Variants in IPO5 observed in about 807,000 individuals in gnomAD.
IPO5 encodes the protein importin 5, also known as importin-5.
IPO5 carries 18 observed loss-of-function variants against 143.3 expected under a neutral mutation model. The ratio of observed to expected loss-of-function variants is 0.13; its 90% confidence interval spans 0.09 to 0.19. The LOEUF is 0.19. Ranked by LOEUF, IPO5 falls within the 10% of genes least tolerant of loss-of-function variation. The pLI, the probability that IPO5 is intolerant of heterozygous loss-of-function variation, is 1.00. For synonymous variants in IPO5, 477 were observed against 465.7 expected (o/e 1.02, Z -0.31); for missense variants, 1,013 against 1,336.9 (o/e 0.76, Z 3.78).
At chr13:98,003,791 G>A (rs896508981) in intron 16 of IPO5, among the ~76,000 whole-genome samples, 5 of 152,092 alleles carry the variant, frequency 3.3e-5, no homozygotes, top group Admixed American at 2.6e-4. Context: ...AGGTTGCAGT[G>A]AGCTGAGGTG....
At position 98,014,044 on chromosome 13, in the gene IPO5, G is replaced by A; in HGVS notation, c.2155G>A (p.Val719Ile). Residue 719 changes from valine (V) to isoleucine (I), a missense_variant and splice_region_variant, in exon 22 of 29, where the codon GTT becomes ATT. Coordinates refer to ENST00000651721, the MANE Select transcript of IPO5 (RefSeq NM_002271.6). ...TTGAGGTTCCTTAACAATGAAACGT[G>A]TTCGAGTGGCAGCAGCGGAATCCAT... is the stretch of plus-strand genomic sequence containing the variant. The part of the protein sequence containing the change: ...PLLKFYFHDG[V>I]RVAAAESMPL... 6.2e-7 allele frequency: 1 copy of A among 1,607,204 alleles called. No individual in the cohort carries two copies. Among genetic ancestry groups the A allele is most frequent in the Non-Finnish European group, 8.5e-7 (1 of 1,178,016 alleles).
intron 9 of IPO5, among the ~76,000 whole-genome samples, chr13:97,991,125 A>G (rs1371140567): frequency 1.3e-5 from 2 of 152,180 alleles, no homozygotes; most frequent in Non-Finnish European, 2.9e-5. Context: ...TCAGACTCCA[A>G]ACTCCTTTTT....
At chr13:97,956,855 C>T (rs1884498340) in intron 2 of IPO5, among the ~76,000 whole-genome samples, 1 of 151,968 alleles carries the variant, frequency 6.6e-6, no homozygotes, top group African/African-American at 2.4e-5. Context: ...TGGTAGTGTC[C>T]GGGACCAAAT....
At chr13:97,986,957 T>C (rs769903096) in intron 6 of IPO5, 2 of 152,742 alleles carry the variant, frequency 1.3e-5, no homozygotes. Flanking sequence ...TGTTGTTTGA[T>C]GATGAGCCTT....
intron 2 of IPO5, among the ~76,000 whole-genome samples, chr13:97,957,423 G>A (rs1251466153): frequency 1.3e-5 from 2 of 151,840 alleles, no homozygotes; most frequent in Non-Finnish European, 2.9e-5. Flanking sequence ...GGCTGGTCTC[G>A]AACTCCGACC....
At chr13:97,977,193 G>A (rs1886444483) in intron 4 of IPO5, 1 of 154,888 alleles carries the variant, frequency 6.5e-6, no homozygotes, top group Non-Finnish European at 1.4e-5. Context: ...ACCCAGCCTA[G>A]CGCTGTGGGT....
chr13:97,977,101 AC>A, intron 4 of IPO5: 2 of 160,186 alleles, frequency 1.2e-5, no homozygotes, highest in Non-Finnish European at 1.4e-5. Context: ...TTCGCTGGCC[AC>A]CCCGCTTCCC....
chr13:98,019,904 A>G, intron 27 of IPO5, 95 bp downstream of exon 27: 2 of 759,190 alleles, frequency 2.6e-6, no homozygotes, highest in Non-Finnish European at 4.6e-6. Flanking sequence ...TAACCACATG[A>G]TCTCTGCACA....
In IPO5 at chr13:97,994,729, G is replaced by T. The variant is rs77914605; in HGVS notation, c.913+1504G>T. Among the ~76,000 whole-genome samples, 1,425 of 152,274 alleles carry T rather than the reference G, an allele frequency of 9.4e-3. 90 individuals are homozygous for T. In the East Asian group the frequency reaches 0.18, roughly 19 times the overall value. ...CAACTCTGTGAATTTAGAATGCATT[G>T]ATGATGCAGGTGTTGACAATGGATC... On this transcript the variant is annotated intron_variant, in intron 11 of 28. Transcript: ENST00000651721.
rs775538256 is a variant in IPO5 at position 98,014,060 on chromosome 13, C to T, written c.2171C>T (p.Ala724Val). ...YFHDGVRVAA[A>V]ESMPLLLECA... Reference sequence around the variant, plus strand: ...ATGAAACGTGTTCGAGTGGCAGCAGCGGAATCCATGCCTCTTCTCCTGGAG... The same window carrying T: ...ATGAAACGTGTTCGAGTGGCAGCAGTGGAATCCATGCCTCTTCTCCTGGAG... Residue 724 changes from alanine to valine, a missense_variant, in exon 22 of 29, where the codon GCG (alanine) becomes GTG (valine). Physicochemically the swap from Ala to Val is moderately conservative, Grantham distance 64. Coordinates refer to ENST00000651721, the MANE Select transcript of IPO5 (RefSeq NM_002271.6). 7.5e-6 allele frequency: 12 copies of T among 1,607,358 alleles called. No homozygotes were observed. Among genetic ancestry groups the T allele is most frequent in the Admixed American group, 5.2e-5 (3 of 58,134 alleles).
intron 20 of IPO5, among the ~76,000 whole-genome samples, chr13:98,010,875 C>T (rs1400475991): frequency 6.9e-6 from 1 of 144,704 alleles, no homozygotes; most frequent in East Asian, 2.1e-4. Flanking sequence ...CCACCTCTGG[C>T]GTTCAGTTGA....
intron 21 of IPO5, among the ~76,000 whole-genome samples, chr13:98,012,732 A>G (rs1889805776): frequency 6.6e-6 from 1 of 151,614 alleles, no homozygotes; most frequent in Admixed American, 6.6e-5. Context: ...CGTGATCAGG[A>G]CGCACTGAAA....
At chr13:97,957,580 G>C (rs1463712788) in intron 2 of IPO5, among the ~76,000 whole-genome samples, 2 of 152,044 alleles carry the variant, frequency 1.3e-5, no homozygotes, top group East Asian at 3.9e-4. Context: ...GTTGGTAGGA[G>C]GCCTAAATGC....
intron 3 of IPO5, 60 bp from the exon 4 acceptor site, chr13:97,976,633 C>T (rs1886355685): frequency 5.3e-6 from 4 of 755,718 alleles, no homozygotes; most frequent in South Asian, 2.4e-5. Context: ...GCCCCTCCCG[C>T]GGCCCGCGAG....
At chr13:98,018,811 A>G in intron 26 of IPO5, 107 bp downstream of exon 26, 2 of 762,418 alleles carry the variant, frequency 2.6e-6, no homozygotes, top group Admixed American at 5.1e-5. Flanking sequence ...TTTCTGCTGT[A>G]GTCTGTTTTC....
In IPO5 at chr13:98,021,917, G is replaced by A. The variant is rs566040512; in HGVS notation, c.*95G>A. ...GTTTTGTTTTTGAGCAAAAGAGATC[G>A]GTAGTGTTGTGTGTAGGCCATTCTT... On this transcript the variant is annotated 3_prime_UTR_variant, in exon 29 of 29. Transcript: ENST00000651721. 12 of 783,486 alleles carry A rather than the reference G, an allele frequency of 1.5e-5. No individual in the cohort carries two copies. The highest frequency in any genetic ancestry group is 1.0e-4 in the African/African-American group (6 of 58,858). The allele number at this position is 783,486 out of a possible 1,614,324, so 48.5% of individuals were successfully genotyped here.
intron 16 of IPO5, 25 bp downstream of exon 16, chr13:98,003,062 C>G: frequency 6.4e-7 from 1 of 1,565,464 alleles, no homozygotes; most frequent in East Asian, 2.2e-5. Context: ...CTGTAGGCTG[C>G]TTTCTGTTTG....
chr13:97,975,426 G>C (rs1886193410), intron 3 of IPO5, among the ~76,000 whole-genome samples: 1 of 152,170 alleles, frequency 6.6e-6, no homozygotes, highest in African/African-American at 2.4e-5. Context: ...GGGAGGCAGA[G>C]GTTGCACTAA....
intron 12 of IPO5, among the ~76,000 whole-genome samples, chr13:97,999,853 G>A (rs1463844294): frequency 2.0e-5 from 3 of 152,168 alleles, no homozygotes; most frequent in African/African-American, 7.2e-5. Flanking sequence ...TCTGTTCATT[G>A]ATAGGTTTGA....
Sources: allele counts gnomAD v4.1 joint callset (sites outside exome capture counted in the v4.1 genomes callset), GRCh38; gene constraint gnomAD v4.1.1; transcripts MANE v1.5; gene names NCBI Gene and HGNC (gene_info 2026-07-23, HGNC 2026-07-21).